BTRC: variants seen among roughly 807,000 people sequenced by gnomAD.
The protein encoded by BTRC is beta-transducin repeat containing E3 ubiquitin protein ligase, also known as F-box/WD repeat-containing protein 1A.
In BTRC, 42 loss-of-function variants were observed where a neutral mutation model predicts 85.5. The observed-to-expected ratio is 0.49, with a 90% CI of 0.38 to 0.64. BTRC has a LOEUF of 0.64. Among genes scored for constraint, BTRC ranks in the 30% least tolerant of loss-of-function variants. The pLI is 0.00. For synonymous variants in BTRC, 255 were observed against 263.3 expected (o/e 0.97, Z 0.30); for missense variants, 594 against 743.5 (o/e 0.80, Z 2.34).
chr10:101,372,105 T>G (rs149596979), intron 1 of BTRC, among the ~76,000 whole-genome samples: 4,847 of 152,200 alleles, frequency 0.032, 137 homozygotes, highest in Non-Finnish European at 0.044. Context: ...AGTAGCTCCA[T>G]TGGTCTATTC....
chr10:101,482,607 G>A (rs1467234272), intron 4 of BTRC, among the ~76,000 whole-genome samples: 1 of 151,396 alleles, frequency 6.6e-6, no homozygotes, highest in African/African-American at 2.4e-5. Flanking sequence ...GCGTTGGCCG[G>A]GATGGTCTTG....
In BTRC at chr10:101,533,848, A is replaced by G. The variant is rs2062339062; in HGVS notation, c.1097+778A>G. 2.0e-5 allele frequency among the ~76,000 whole-genome samples: 3 copies of G among 152,368 alleles called. No homozygotes were observed. The South Asian group carries it at 6.2e-4, about 32-fold the overall frequency. The stretch of plus-strand genomic sequence containing the variant: ...TTTTGACTTAAAGGCATAGCAAGGC[A>G]TAGCAAACTTGGCCCTTGTAGTTAC... On this transcript the variant is annotated intron_variant, in intron 9 of 14. Coordinates refer to ENST00000370187, the MANE Select transcript of BTRC (RefSeq NM_033637.4).
At position 101,532,283 on chromosome 10, in the gene BTRC, C is replaced by T. The variant is rs2062296262; in HGVS notation, c.841-12C>T. Reference sequence around the variant, plus strand: ...TTCCTAACACTGCCTCTTTCCCATTCCTTCTTCTCAGACAATAGAATCTAA... The same window carrying T: ...TTCCTAACACTGCCTCTTTCCCATTTCTTCTTCTCAGACAATAGAATCTAA... On this transcript the variant is annotated splice_polypyrimidine_tract_variant and intron_variant, in intron 7 of 14. Coordinates refer to ENST00000370187, the MANE Select transcript of BTRC (RefSeq NM_033637.4). 1.9e-6 allele frequency: 3 copies of T among 1,603,510 alleles called. No individual in the cohort carries two copies. Among genetic ancestry groups the T allele is most frequent in the South Asian group, 2.2e-5 (2 of 88,994 alleles).
chr10:101,404,022 A>ATG (rs1943554315), intron 1 of BTRC, among the ~76,000 whole-genome samples: 1 of 24,836 alleles, frequency 4.0e-5, no homozygotes, highest in Non-Finnish European at 8.5e-5. Context: ...ATATATATAT[A>ATG]TATATATATT....
chr10:101,384,138 T>A (rs1943006912), intron 1 of BTRC, among the ~76,000 whole-genome samples: 1 of 152,230 alleles, frequency 6.6e-6, no homozygotes. Context: ...ATTTAAGTAA[T>A]CTCTGTTATA....
intron 4 of BTRC, among the ~76,000 whole-genome samples, chr10:101,483,369 T>A (rs747578092): frequency 2.6e-5 from 4 of 152,032 alleles, no homozygotes; most frequent in Non-Finnish European, 5.9e-5. Context: ...CCGAGACGGG[T>A]GGATCACGAG....
At position 101,460,096 on chromosome 10, in the gene BTRC, T is replaced by G. The variant is rs540457927; in HGVS notation, c.157-1885T>G. ...TAGTTTATCTGATCTTTTTATTTAT[T>G]TATTTAAAGGAGGAATTTCATGACC... On this transcript the variant is annotated intron_variant, in intron 2 of 14. Transcript: ENST00000370187. 2.0e-5 allele frequency among the ~76,000 whole-genome samples: 3 copies of G among 152,316 alleles called. No homozygotes were observed. The East Asian group carries it at 5.8e-4, about 29-fold the overall frequency.
chr10:101,503,493 A>G (rs1371169303), intron 4 of BTRC, among the ~76,000 whole-genome samples: 1 of 152,244 alleles, frequency 6.6e-6, no homozygotes, highest in Admixed American at 6.5e-5. Flanking sequence ...CTGCATCTAA[A>G]CTAAGCTTTT....
chr10:101,513,785 A>G (rs986434089), intron 4 of BTRC, among the ~76,000 whole-genome samples: 1 of 152,226 alleles, frequency 6.6e-6, no homozygotes, highest in African/African-American at 2.4e-5. Flanking sequence ...TTAAGGAGGT[A>G]AGTACCTAAA....
chr10:101,382,950 A>G (rs1350773630), intron 1 of BTRC, among the ~76,000 whole-genome samples: 1 of 152,154 alleles, frequency 6.6e-6, no homozygotes, highest in Non-Finnish European at 1.5e-5. Flanking sequence ...TCTTTAGTGC[A>G]ACACACTACT....
intron 1 of BTRC, among the ~76,000 whole-genome samples, chr10:101,397,005 T>C (rs1275359748): frequency 6.6e-6 from 1 of 152,142 alleles, no homozygotes; most frequent in African/African-American, 2.4e-5. Context: ...GGTTTCACCA[T>C]GTTGGCCAGG....
intron 2 of BTRC, among the ~76,000 whole-genome samples, chr10:101,455,523 C>T (rs988831287): frequency 3.3e-5 from 5 of 152,118 alleles, no homozygotes; most frequent in African/African-American, 1.2e-4. Flanking sequence ...TTAATTCTAA[C>T]TGCAGGTTAG....
chr10:101,354,648 A>C lies in BTRC; in HGVS notation c.48+420A>C, dbSNP rs546391497. 73 of 227,236 alleles carry C rather than the reference A, an allele frequency of 3.2e-4. 1 individual carries two copies. The highest frequency in any genetic ancestry group is 1.6e-3 in the African/African-American group (69 of 42,630). 14.1% of individuals were successfully genotyped at this position (227,236 alleles called of 1,614,324 possible). A position where few individuals can be genotyped will look rare whatever the true frequency, so the allele number is the denominator to read the frequency against. ...GAGGAGGTGCATTCACGACTGGGGAAGGGAGCGCGGGATAGAGTGAAGACA... is the reference window on the plus strand; with the variant it reads ...GAGGAGGTGCATTCACGACTGGGGACGGGAGCGCGGGATAGAGTGAAGACA... On this transcript the variant is annotated intron_variant, in intron 1 of 14. Transcript: ENST00000370187.
At chr10:101,503,683 T>TA (rs1946448693) in intron 4 of BTRC, among the ~76,000 whole-genome samples, 1 of 152,212 alleles carries the variant, frequency 6.6e-6, no homozygotes, top group Admixed American at 6.5e-5. Flanking sequence ...CATAGAATTA[T>TA]TTCTTGCTGC....
intron 4 of BTRC, among the ~76,000 whole-genome samples, chr10:101,498,798 C>T (rs769129771): frequency 7.9e-5 from 12 of 152,064 alleles, no homozygotes; most frequent in Non-Finnish European, 1.6e-4. Flanking sequence ...CGAGACCAGC[C>T]TGACCAACAT....
chr10:101,507,125 A>T (rs192461733), intron 4 of BTRC, among the ~76,000 whole-genome samples: 1 of 152,240 alleles, frequency 6.6e-6, no homozygotes, highest in Non-Finnish European at 1.5e-5. Flanking sequence ...TTCTTCTCTT[A>T]CTTCCCCAAG....
In BTRC at chr10:101,534,731, C is replaced by T. The variant is rs1390897262; in HGVS notation, c.1168C>T (p.Arg390Cys). ...IHHCEAVLHLRFNNGMMVTCS... is the reference protein window; with the variant it reads ...IHHCEAVLHLCFNNGMMVTCS... ...CCATTGTGAAGCAGTTCTGCACTTG[C>T]GTTTCAATAATGGCATGATGGTGAC... The change falls in exon 10 of 15, where the codon CGT (arginine) becomes TGT (cysteine). Residue 390 changes from arginine to cysteine, a missense_variant. By Grantham distance (180) the Arg-to-Cys change is radical (BLOSUM62 -3). Around this residue, in one of 4 missense-constraint regions of BTRC, gnomAD observed 373 missense variants for 503.6 expected, o/e 0.74. Coordinates refer to ENST00000370187, the MANE Select transcript of BTRC (RefSeq NM_033637.4). The T allele has an allele frequency of 1.9e-6, 3 of 1,614,160 alleles. No individual in the cohort carries two copies. Among genetic ancestry groups the T allele is most frequent in the Admixed American group, 1.7e-5 (1 of 60,014 alleles).
intron 4 of BTRC, among the ~76,000 whole-genome samples, chr10:101,519,634 A>C (rs766338224): frequency 2.0e-5 from 3 of 152,118 alleles, no homozygotes; most frequent in Non-Finnish European, 2.9e-5. Flanking sequence ...TCCCTCTTTT[A>C]ATGACAGCAA....
At position 101,505,141 on chromosome 10, in the gene BTRC, A is replaced by ATATATATGTG. The variant is rs1564812183; in HGVS notation, c.325-16491_325-16490insGTGTATATAT. On this transcript the variant is annotated intron_variant, in intron 4 of 14. Transcript: ENST00000370187. ...TATATATATATGTGTATATATATGT[A>ATATATATGTG]TATATATATGTATATGTATATATAT... is the stretch of plus-strand genomic sequence containing the variant. Among the ~76,000 whole-genome samples the ATATATATGTG allele has an allele frequency of 1.8e-4, 22 of 121,582 alleles. No homozygotes were observed. The South Asian group carries it at 1.9e-3, about 10-fold the overall frequency. 79.8% of individuals were successfully genotyped at this position (121,582 alleles called of 152,430 possible).
Sources: allele counts gnomAD v4.1 joint callset (sites outside exome capture counted in the v4.1 genomes callset), GRCh38; gene constraint gnomAD v4.1.1; regional missense constraint gnomAD v4.1.1; transcripts MANE v1.5; gene names NCBI Gene and HGNC (gene_info 2026-07-23, HGNC 2026-07-21).